SCRN1: variants seen among roughly 807,000 people sequenced by gnomAD.
SCRN1 encodes secernin 1.
In SCRN1, 19 loss-of-function variants were observed where a neutral mutation model predicts 43.3. The ratio of observed to expected loss-of-function variants is 0.44; its 90% confidence interval spans 0.31 to 0.64. The LOEUF (loss-of-function observed/expected upper bound fraction) is 0.64. Among genes scored for constraint, SCRN1 ranks in the 30% least tolerant of loss-of-function variants. The pLI is 0.09. For synonymous variants in SCRN1, 183 were observed against 188.9 expected (o/e 0.97, Z 0.26); for missense variants, 447 against 524.1 (o/e 0.85, Z 1.44).
intron 2 of SCRN1, among the ~76,000 whole-genome samples, chr7:29,962,339 C>T (rs1411680158): frequency 6.6e-6 from 1 of 150,464 alleles, no homozygotes; most frequent in Non-Finnish European, 1.5e-5. Context: ...TTTCCTGGGA[C>T]CTCAACACTC....
chr7:29,936,084 T>G (rs1297100099), intron 6 of SCRN1, among the ~76,000 whole-genome samples: 1 of 152,212 alleles, frequency 6.6e-6, no homozygotes, highest in East Asian at 1.9e-4. Context: ...CCAGTACACT[T>G]GAAGTTGCTT....
intron 7 of SCRN1, among the ~76,000 whole-genome samples, chr7:29,925,629 T>C (rs529942443): frequency 2.6e-5 from 4 of 152,312 alleles, no homozygotes; most frequent in African/African-American, 9.6e-5. Context: ...TTTTCTTGTT[T>C]GAATTGATGA....
chr7:29,947,703 C>A (rs1787779295), intron 3 of SCRN1, among the ~76,000 whole-genome samples: 1 of 152,198 alleles, frequency 6.6e-6, no homozygotes, highest in African/African-American at 2.4e-5. Flanking sequence ...GATTGCTTGT[C>A]CCCCTGGTTT....
Position 29,922,558 on chromosome 7 carries a change from T to C in SCRN1, c.*1399A>G, listed in dbSNP as rs1786803068. On this transcript the variant is annotated 3_prime_UTR_variant, in exon 8 of 8. Transcript: ENST00000242059. ...CTGTATTTACATACACTTCTGTTCA[T>C]CATCTCTGCCCGTTTCAGGAGTAGC... The C allele has an allele frequency of 6.6e-6, 1 of 152,244 alleles. No individual in the cohort carries two copies. Among genetic ancestry groups the C allele is most frequent in the Non-Finnish European group, 1.5e-5 (1 of 68,064 alleles). The allele number at this position is 152,244 out of a possible 1,614,324, so 9.4% of individuals were successfully genotyped here.
intron 7 of SCRN1, among the ~76,000 whole-genome samples, chr7:29,925,456 C>T (rs1786910919): frequency 6.6e-6 from 1 of 152,122 alleles, no homozygotes; most frequent in Admixed American, 6.5e-5. Context: ...CCAGTTTGGA[C>T]CTATTAAAAG....
At chr7:29,959,616 TTGAC>T (rs1327110975) in intron 2 of SCRN1, among the ~76,000 whole-genome samples, 1 of 152,152 alleles carries the variant, frequency 6.6e-6, no homozygotes, top group East Asian at 1.9e-4. Context: ...TGCCTGCTAT[TTGAC>T]TGGTTTTAGG....
upstream of SCRN1, chr7:29,989,908 G>T (rs1319566853): frequency 3.6e-6 from 3 of 839,672 alleles, no homozygotes; most frequent in Admixed American, 1.8e-4. Flanking sequence ...GCCGCACCCC[G>T]CGCGTCTGGC....
intron 1 of SCRN1, among the ~76,000 whole-genome samples, chr7:29,986,559 C>T (rs915623196): frequency 1.3e-5 from 2 of 151,724 alleles, no homozygotes; most frequent in Non-Finnish European, 2.9e-5. Context: ...CTAATGAAAA[C>T]GGATTTAAAA....
intron 6 of SCRN1, among the ~76,000 whole-genome samples, chr7:29,933,809 C>A (rs893769694): frequency 3.3e-5 from 5 of 152,270 alleles, no homozygotes; most frequent in Non-Finnish European, 7.4e-5. Context: ...GAGAAAAGGA[C>A]AGACAAGTGT....
chr7:29,988,916 T>C (rs1789257047), intron 1 of SCRN1: 1 of 152,106 alleles, frequency 6.6e-6, no homozygotes, highest in African/African-American at 2.4e-5. Flanking sequence ...CCCTCGCGAG[T>C]GAGGTCGCCA....
rs1411140968 is a variant in SCRN1, at chr7:29,926,526, G to A, written c.1012C>T (p.Gln338Ter). 6.2e-7 allele frequency: 1 copy of A among 1,614,128 alleles called. No homozygotes were observed. The highest frequency in any genetic ancestry group is 8.5e-7 in the Non-Finnish European group (1 of 1,180,034). The change falls in exon 7 of 8, where the codon CAG becomes TAG. Residue 338 changes from glutamine (Q) to a stop codon, truncating the protein, a stop_gained. Transcript: ENST00000242059. LOFTEE classifies it high-confidence loss of function. ...TCATGCCGGCGGTCTGGTTTCTCCT[G>A]GAACCGAGGCTCCTTTTTGGCAGGG... is the stretch of plus-strand genomic sequence containing the variant. The part of the protein sequence containing the change: ...DDPAKKEPRF[Q>*]EKPDRRHELY...
intron 6 of SCRN1, among the ~76,000 whole-genome samples, chr7:29,929,192 C>G (rs913867902): frequency 1.3e-5 from 2 of 152,240 alleles, no homozygotes; most frequent in Non-Finnish European, 2.9e-5. Context: ...CCGGGGCTCC[C>G]ACCCAGCAGC....
intron 6 of SCRN1, among the ~76,000 whole-genome samples, chr7:29,933,287 T>C (rs923013270): frequency 6.6e-6 from 1 of 152,220 alleles, no homozygotes; most frequent in African/African-American, 2.4e-5. Flanking sequence ...TTTATGGCAT[T>C]TGCCAATTTC....
intron 6 of SCRN1, among the ~76,000 whole-genome samples, chr7:29,929,382 A>G (rs1462026454): frequency 6.6e-6 from 1 of 152,238 alleles, no homozygotes; most frequent in Non-Finnish European, 1.5e-5. Context: ...AGCAGGCCCC[A>G]TGCAATGCTA....
intron 6 of SCRN1, among the ~76,000 whole-genome samples, 159 bp downstream of exon 6, chr7:29,936,397 A>C (rs1787327185): frequency 6.6e-6 from 1 of 152,238 alleles, no homozygotes; most frequent in Non-Finnish European, 1.5e-5. Flanking sequence ...TCACTTAATC[A>C]AAGCCCTTGG....
chr7:29,951,569 A>T (rs572966672), intron 3 of SCRN1, among the ~76,000 whole-genome samples: 1 of 152,298 alleles, frequency 6.6e-6, no homozygotes, highest in Non-Finnish European at 1.5e-5. Context: ...GTTAGCTTCT[A>T]TTGGCTACTC....
chr7:29,947,934 C>T (rs930305446), intron 3 of SCRN1, among the ~76,000 whole-genome samples: 1 of 152,198 alleles, frequency 6.6e-6, no homozygotes, highest in Non-Finnish European at 1.5e-5. Flanking sequence ...TCCCCAGACA[C>T]TGGGTCTTCC....
chr7:29,968,832 C>A, intron 2 of SCRN1, 77 bp downstream of exon 2: 1 of 1,555,750 alleles, frequency 6.4e-7, no homozygotes, highest in Non-Finnish European at 8.8e-7. Context: ...AGCTTCCAAG[C>A]AAGAAGTTAG....
rs559373719 is a variant in SCRN1 at position 29,950,018 on chromosome 7, G to A, written c.341+5161C>T. Among the ~76,000 whole-genome samples, 30 of 152,324 alleles carry A rather than the reference G, an allele frequency of 2.0e-4. No individual in the cohort carries two copies. Among genetic ancestry groups the A allele is most frequent in the Middle Eastern group, 3.4e-3 (1 of 294 alleles). On this transcript the variant is annotated intron_variant, in intron 3 of 7. Transcript: ENST00000242059. This position sits in a 1 kb window ranked among gnomAD's most constrained non-coding sequence, Gnocchi z 4.5. ...AACAGGGAGGCAGGGTCTGGGTTGCGTGCTTTGCGAGGCTGGTGGGAGCCC... is the reference window on the plus strand; with the variant it reads ...AACAGGGAGGCAGGGTCTGGGTTGCATGCTTTGCGAGGCTGGTGGGAGCCC...
Sources: allele counts gnomAD v4.1 joint callset (sites outside exome capture counted in the v4.1 genomes callset), GRCh38; gene constraint gnomAD v4.1.1; non-coding constraint Gnocchi (gnomAD v3.1); transcripts MANE v1.5; gene names NCBI Gene and HGNC (gene_info 2026-07-23, HGNC 2026-07-21).